Variants in NRXN1 observed in about 807,000 individuals in gnomAD.
NRXN1 encodes the protein neurexin 1.
Under a neutral mutation model 150.9 loss-of-function variants are expected in NRXN1, and 39 were observed. The ratio of observed to expected loss-of-function variants is 0.26; its 90% CI spans 0.20 to 0.34. NRXN1 has a LOEUF of 0.34. Among genes scored for constraint, NRXN1 ranks in the 10% least tolerant of loss-of-function variants. NRXN1 has a pLI of 1.00. For synonymous variants in NRXN1, 924 were observed against 757.0 expected (o/e 1.22, Z -3.62); for missense variants, 1,815 against 1,949.9 (o/e 0.93, Z 1.30).
At chr2:50,361,430 T>C (rs1396424858) in intron 17 of NRXN1, among the ~76,000 whole-genome samples, 2 of 152,088 alleles carry the variant, frequency 1.3e-5, no homozygotes, top group Non-Finnish European at 2.9e-5. Flanking sequence ...ATAAAGGGGA[T>C]ATCACCACTG....
At chr2:50,300,261 C>T (rs2074027534) in intron 17 of NRXN1, among the ~76,000 whole-genome samples, 1 of 152,176 alleles carries the variant, frequency 6.6e-6, no homozygotes, top group African/African-American at 2.4e-5. Flanking sequence ...TAAGACCACC[C>T]TGATCCTAGT....
intron 5 of NRXN1, among the ~76,000 whole-genome samples, chr2:50,812,976 G>A (rs1026596903): frequency 2.6e-5 from 4 of 151,938 alleles, no homozygotes; most frequent in Admixed American, 6.6e-5. Context: ...AATTGCCTGC[G>A]CTCAGAAGCT....
intron 8 of NRXN1, among the ~76,000 whole-genome samples, chr2:50,555,267 T>A (rs1034084129): frequency 1.3e-5 from 2 of 152,174 alleles, no homozygotes. Flanking sequence ...TGTAAAAGAA[T>A]TGAGTGTTTC....
chr2:49,948,210 A>C (rs1055848981), intron 21 of NRXN1, among the ~76,000 whole-genome samples: 4 of 152,064 alleles, frequency 2.6e-5, no homozygotes, highest in Non-Finnish European at 5.9e-5. Context: ...TGCAGACTAA[A>C]TTATTTACGC....
At chr2:50,242,237 C>T (rs2066068291) in intron 17 of NRXN1, among the ~76,000 whole-genome samples, 2 of 151,666 alleles carry the variant, frequency 1.3e-5, no homozygotes, top group African/African-American at 4.8e-5. Context: ...TTTCCAGATG[C>T]TGTTGTTAAT....
At chr2:50,252,405 T>C (rs960340963) in intron 17 of NRXN1, among the ~76,000 whole-genome samples, 4 of 151,586 alleles carry the variant, frequency 2.6e-5, no homozygotes, top group African/African-American at 2.4e-5. Flanking sequence ...AATACAGGCA[T>C]GTGCCACCAC....
intron 17 of NRXN1, among the ~76,000 whole-genome samples, chr2:50,329,883 A>C (rs1162015304): frequency 1.3e-5 from 2 of 151,196 alleles, no homozygotes; most frequent in East Asian, 2.0e-4. Context: ...TATGTTGGCC[A>C]GGCTGGTCTT....
intron 2 of NRXN1, among the ~76,000 whole-genome samples, chr2:50,950,893 C>G (rs1272497642): frequency 6.6e-6 from 1 of 152,062 alleles, no homozygotes; most frequent in African/African-American, 2.4e-5. Context: ...TATTAAATAA[C>G]CTGAGAGTTC....
chr2:50,081,104 G>C (rs1014339925), intron 19 of NRXN1, among the ~76,000 whole-genome samples: 1 of 152,188 alleles, frequency 6.6e-6, no homozygotes, highest in African/African-American at 2.4e-5. Flanking sequence ...TGGAGGCAGA[G>C]ATTCAAAGGA....
chr2:50,623,937 C>A (rs760468275), intron 5 of NRXN1, among the ~76,000 whole-genome samples: 31 of 152,222 alleles, frequency 2.0e-4, no homozygotes, highest in Non-Finnish European at 2.4e-4. Flanking sequence ...CTCCCCTCCC[C>A]CAACCCCACA....
At chr2:50,097,842 T>G (rs1700450429) in intron 18 of NRXN1, among the ~76,000 whole-genome samples, 1 of 152,086 alleles carries the variant, frequency 6.6e-6, no homozygotes, top group South Asian at 2.1e-4. Flanking sequence ...TTTTTCCATG[T>G]TGGTCAGGCT....
At chr2:50,006,183 CTT>C (rs760470354) in intron 21 of NRXN1, among the ~76,000 whole-genome samples, 1 of 152,118 alleles carries the variant, frequency 6.6e-6, no homozygotes, top group Non-Finnish European at 1.5e-5. Context: ...ATTAATTCCT[CTT>C]GTTTCGGCAA....
chr2:50,366,140 C>G (rs2153014498), intron 17 of NRXN1, among the ~76,000 whole-genome samples: 1 of 139,476 alleles, frequency 7.2e-6, no homozygotes, highest in South Asian at 2.3e-4. Context: ...ACTGGGTTTT[C>G]TCGGCTGGAC....
At chr2:50,449,246 T>G (rs2086741985) in intron 17 of NRXN1, among the ~76,000 whole-genome samples, 1 of 152,190 alleles carries the variant, frequency 6.6e-6, no homozygotes, top group Admixed American at 6.6e-5. Flanking sequence ...TACCAAAAAG[T>G]AAAAGTAATG....
intron 2 of NRXN1, among the ~76,000 whole-genome samples, chr2:51,007,374 AATT>A (rs1460835794): frequency 7.2e-5 from 11 of 151,880 alleles, no homozygotes; most frequent in Non-Finnish European, 1.5e-5. Flanking sequence ...ACAATTTCTG[AATT>A]ATTTACAAAA....
At chr2:50,591,366 C>A (rs183576242) in intron 8 of NRXN1, among the ~76,000 whole-genome samples, 2 of 149,054 alleles carry the variant, frequency 1.3e-5, no homozygotes, top group East Asian at 4.0e-4. Flanking sequence ...GAAAATTCTA[C>A]CATACACTAT....
In NRXN1 at chr2:50,497,674, G is replaced by A. The variant is rs757364874; in HGVS notation, c.2538C>T (p.Asn846=). The change falls in exon 14 of 23, where the codon AAC becomes AAT. Residue 846 remains asparagine (N), a synonymous_variant. Transcript: ENST00000401669. ...GTTCTGTGATGATGCCAGTCTCTAT[G>A]TTATGGAACTCCAGCCTAGTATGAT... The part of the protein sequence containing the change: ...AGDHTRLEFH[N]IETGIITERR... 5.0e-6 allele frequency: 8 copies of A among 1,613,674 alleles called. No homozygotes were observed. Among genetic ancestry groups the A allele is most frequent in the South Asian group, 4.4e-5 (4 of 91,074 alleles).
chr2:50,687,367 C>A (rs1009565719), intron 5 of NRXN1, among the ~76,000 whole-genome samples: 9 of 152,178 alleles, frequency 5.9e-5, no homozygotes, highest in African/African-American at 2.2e-4. Flanking sequence ...ATAATACTAT[C>A]TTTTTTTTCT....
Position 50,951,963 on chromosome 2 carries a change from A to ATTTTTTTTT in NRXN1, c.773-26017_773-26009dup, listed in dbSNP as rs1295565122. 1.1e-3 allele frequency among the ~76,000 whole-genome samples: 85 copies of ATTTTTTTTT among 74,820 alleles called. 4 individuals carry two copies. The highest frequency in any genetic ancestry group is 4.6e-3 in the African/African-American group (82 of 17,950). The allele number at this position is 74,820 out of a possible 152,430, so 49.1% of individuals were successfully genotyped here. A position where few individuals can be genotyped will look rare whatever the true frequency, so the allele number is the denominator to read the frequency against. On this transcript the variant is annotated intron_variant, in intron 2 of 22. Transcript: ENST00000401669. ...AATAAATATATATATATATATATATATTTTTTTTTTTTTTTTTTTTTGAGA... is the reference window on the plus strand; with the variant it reads ...AATAAATATATATATATATATATATATTTTTTTTTTTTTTTTTTTTTTTTTTTTTTGAGA...
Sources: allele counts gnomAD v4.1 joint callset (sites outside exome capture counted in the v4.1 genomes callset), GRCh38; gene constraint gnomAD v4.1.1; transcripts MANE v1.5; gene names NCBI Gene and HGNC (gene_info 2026-07-23, HGNC 2026-07-21).